The following LRRIQ1 variants were observed in gnomAD, a reference collection of about 807,000 sequenced individuals.
LRRIQ1 encodes leucine rich repeats and IQ motif containing 1.
In LRRIQ1, 210 loss-of-function variants were observed where a neutral mutation model predicts 211.9. The observed-to-expected ratio is 0.99, with a 90% confidence interval of 0.89 to 1.11. The LOEUF (loss-of-function observed/expected upper bound fraction) is 1.11. Ranked by LOEUF, LRRIQ1 falls within the 50% of genes most tolerant of loss-of-function variation. The pLI is 0.00. For synonymous variants in LRRIQ1, 699 were observed against 650.1 expected (o/e 1.08, Z -1.14); for missense variants, 2,136 against 1,939.5 (o/e 1.10, Z -1.90).
chr12:85,192,901 A>G (rs1892646430), intron 24 of LRRIQ1, among the ~76,000 whole-genome samples: 1 of 98,704 alleles, frequency 1.0e-5, no homozygotes, highest in African/African-American at 4.2e-5. Flanking sequence ...GTTATATACT[A>G]TAATTATACA....
At chr12:85,075,008 A>G (rs543111785) in intron 11 of LRRIQ1, among the ~76,000 whole-genome samples, 5 of 151,630 alleles carry the variant, frequency 3.3e-5, no homozygotes, top group African/African-American at 4.9e-5. Context: ...CATATTTGAA[A>G]AAAGTTATTT....
rs146651225 is a variant in LRRIQ1 at position 85,045,037 on chromosome 12, T to C, written c.336+228T>C. ...TAAAAGTGGTGGGTTGAGCCATTTA[T>C]ACCTGGCAATTTAATGTGCATGTAG... On this transcript the variant is annotated intron_variant, in intron 4 of 26. Coordinates refer to ENST00000393217, the MANE Select transcript of LRRIQ1 (RefSeq NM_001079910.2). Among the ~76,000 whole-genome samples the C allele has an allele frequency of 5.0e-3, 765 of 152,118 alleles. 7 individuals are homozygous for C. Among genetic ancestry groups the C allele is most frequent in the Non-Finnish European group, 9.0e-3 (614 of 67,884 alleles).
At chr12:85,195,368 A>C (rs1027110329) in intron 24 of LRRIQ1, among the ~76,000 whole-genome samples, 18 of 135,854 alleles carry the variant, frequency 1.3e-4, no homozygotes, top group Non-Finnish European at 1.0e-4. Context: ...GACACACAAC[A>C]AAAAAAAGAG....
intron 18 of LRRIQ1, among the ~76,000 whole-genome samples, chr12:85,132,910 T>A (rs1888872028): frequency 1.3e-5 from 2 of 152,064 alleles, no homozygotes. Context: ...GACATGCCAA[T>A]CATAAAGAGG....
intron 13 of LRRIQ1, among the ~76,000 whole-genome samples, chr12:85,100,515 T>TA (rs1041377165): frequency 1.3e-5 from 2 of 151,662 alleles, no homozygotes; most frequent in Non-Finnish European, 3.0e-5. Context: ...ATTTGGGGGA[T>TA]AAAAAAATGA....
At chr12:85,062,125 T>C (rs1881884218) in intron 8 of LRRIQ1, among the ~76,000 whole-genome samples, 1 of 151,898 alleles carries the variant, frequency 6.6e-6, no homozygotes, top group Admixed American at 6.6e-5. Context: ...GAAATAATAG[T>C]GCTTCCAATT....
intron 10 of LRRIQ1, among the ~76,000 whole-genome samples, chr12:85,070,721 T>C (rs1253713254): frequency 6.6e-6 from 1 of 151,996 alleles, no homozygotes; most frequent in African/African-American, 2.4e-5. Context: ...TATTGTGAAC[T>C]TGAATTGAGG....
In LRRIQ1 at chr12:85,215,534, G is replaced by A. The variant is rs188931379; in HGVS notation, c.4823-13983G>A. Among the ~76,000 whole-genome samples, 11 of 152,144 alleles carry A rather than the reference G, an allele frequency of 7.2e-5. No individual in the cohort carries two copies. In the East Asian group the frequency reaches 1.5e-3, roughly 21 times the overall value. On this transcript the variant is annotated intron_variant, in intron 24 of 26. Coordinates refer to ENST00000393217, the MANE Select transcript of LRRIQ1 (RefSeq NM_001079910.2). ...CAACCTCCAATAGGCCCCAATGTCT[G>A]TTGTTCCTCTCTGTGTGTCCATGTG...
intron 24 of LRRIQ1, among the ~76,000 whole-genome samples, chr12:85,171,433 C>A (rs1056503186): frequency 3.3e-5 from 5 of 152,000 alleles, no homozygotes; most frequent in African/African-American, 1.2e-4. Flanking sequence ...AAAATATATA[C>A]AATAAAAACC....
chr12:85,192,071 T>C (rs567720174), intron 24 of LRRIQ1, among the ~76,000 whole-genome samples: 1 of 151,876 alleles, frequency 6.6e-6, no homozygotes, highest in East Asian at 1.9e-4. Flanking sequence ...GGGGGGTTGT[T>C]TACAGATTAT....
intron 11 of LRRIQ1, among the ~76,000 whole-genome samples, chr12:85,073,342 C>G (rs1883297460): frequency 6.6e-6 from 1 of 151,966 alleles, no homozygotes; most frequent in Non-Finnish European, 1.5e-5. Context: ...CTTTGGATTA[C>G]TATGACTTCT....
chr12:85,088,185 C>A (rs1339961145), intron 11 of LRRIQ1, among the ~76,000 whole-genome samples: 1 of 152,106 alleles, frequency 6.6e-6, no homozygotes, highest in South Asian at 2.1e-4. Context: ...TTTCCCAGCA[C>A]CATTTATTAA....
At chr12:85,072,190 T>A (rs972724735) in intron 10 of LRRIQ1, among the ~76,000 whole-genome samples, 13 of 151,916 alleles carry the variant, frequency 8.6e-5, no homozygotes, top group Non-Finnish European at 1.8e-4. Context: ...TTAGGGTTTT[T>A]AAAAATGTTT....
chr12:85,127,735 T>C (rs1888464776), intron 17 of LRRIQ1, 97 bp from the exon 18 acceptor site: 1 of 950,758 alleles, frequency 1.1e-6, no homozygotes, highest in African/African-American at 1.7e-5. Context: ...CTTTATGTGT[T>C]CTTTGTTTAA....
At position 85,057,628 on chromosome 12, in the gene LRRIQ1, T is replaced by C. The variant is rs142977294; in HGVS notation, c.2391+444T>C. Among the ~76,000 whole-genome samples, 13 of 152,186 alleles carry C rather than the reference T, an allele frequency of 8.5e-5. No individual in the cohort carries two copies. The East Asian group carries it at 2.3e-3, about 27-fold the overall frequency. ...TGTTGTGAAAGAAGGGCTTGCATGA[T>C]AGAAGACCCTGAAGACCCTAGAATT... On this transcript the variant is annotated intron_variant, in intron 8 of 26. Coordinates refer to ENST00000393217, the MANE Select transcript of LRRIQ1 (RefSeq NM_001079910.2).
At chr12:85,051,489 C>T (rs538694896) in intron 6 of LRRIQ1, among the ~76,000 whole-genome samples, 1 of 152,160 alleles carries the variant, frequency 6.6e-6, no homozygotes, top group Non-Finnish European at 1.5e-5. Flanking sequence ...ATTTTCCTAG[C>T]TCAAAATGCT....
At chr12:85,229,268 C>T (rs1047643181) in intron 24 of LRRIQ1, among the ~76,000 whole-genome samples, 2 of 151,922 alleles carry the variant, frequency 1.3e-5, no homozygotes, top group African/African-American at 2.4e-5. Context: ...CAAAAACAAA[C>T]CCTATAAATG....
chr12:85,122,486 G>A (rs1888058258), intron 16 of LRRIQ1, among the ~76,000 whole-genome samples: 1 of 151,926 alleles, frequency 6.6e-6, no homozygotes, highest in Non-Finnish European at 1.5e-5. Context: ...TTCTAAAACT[G>A]TACTTTTTAA....
chr12:85,267,016 T>C (rs1336421074), downstream of LRRIQ1, among the ~76,000 whole-genome samples: 2 of 152,136 alleles, frequency 1.3e-5, no homozygotes, highest in Non-Finnish European at 2.9e-5. Context: ...GCACTTCAAG[T>C]TCATAATTTC....
Sources: gnomAD v4.1 joint callset for allele counts (sites outside exome capture counted in the v4.1 genomes callset) on GRCh38, gnomAD v4.1.1 for gene constraint, MANE v1.5 for transcripts, NCBI Gene and HGNC (gene_info 2026-07-23, HGNC 2026-07-21) for gene names.